NXPE2: variants seen among roughly 807,000 people sequenced by gnomAD.
The protein encoded by NXPE2 is NXPE family member 2.
Under a neutral mutation model 34.4 loss-of-function variants are expected in NXPE2, and 34 were observed. The ratio of observed to expected loss-of-function variants is 0.99; its 90% CI spans 0.75 to 1.31. NXPE2 has a LOEUF of 1.31. NXPE2 is among the 40% of genes most tolerant of loss of function. NXPE2 has a pLI of 0.00. For missense variants in NXPE2, 649 were observed against 672.5 expected, an observed-to-expected ratio of 0.97 and a Z score of 0.39; for synonymous variants, 235 against 231.3, an observed-to-expected ratio of 1.02 and a Z score of -0.15.
chr11:114,643,266 TC>T, the NXPE2 span, among the ~76,000 whole-genome samples: 1 of 152,132 alleles, frequency 6.6e-6, no homozygotes, highest in Admixed American at 6.6e-5. Context: ...TTTAATTAGA[TC>T]CCATTTGTCA....
At chr11:114,630,045 T>C in the NXPE2 span, among the ~76,000 whole-genome samples, 5 of 151,354 alleles carry the variant, frequency 3.3e-5, no homozygotes, top group Non-Finnish European at 5.9e-5. Flanking sequence ...TGGAAGAACA[T>C]TCCATGCTCA....
the NXPE2 span, among the ~76,000 whole-genome samples, chr11:114,564,136 A>G: frequency 1.3e-5 from 2 of 152,192 alleles, no homozygotes; most frequent in Non-Finnish European, 2.9e-5. Flanking sequence ...AAAAGGAAGG[A>G]AATAATGGCA....
At chr11:114,500,960 C>G in the NXPE2 span, among the ~76,000 whole-genome samples, 1 of 152,116 alleles carries the variant, frequency 6.6e-6, no homozygotes. Flanking sequence ...ACTTTCTATT[C>G]TGTTTCTATA....
At chr11:114,590,119 G>T in the NXPE2 span, among the ~76,000 whole-genome samples, 1 of 152,130 alleles carries the variant, frequency 6.6e-6, no homozygotes, top group Non-Finnish European at 1.5e-5. Context: ...CATTTGTTTG[G>T]ACAGGCATTG....
the NXPE2 span, among the ~76,000 whole-genome samples, chr11:114,603,812 C>G: frequency 6.6e-6 from 1 of 151,738 alleles, no homozygotes; most frequent in Non-Finnish European, 1.5e-5. Context: ...GCCTCGTCTC[C>G]TAGGTAACTC....
chr11:114,602,989 T>C, the NXPE2 span, among the ~76,000 whole-genome samples: 26,520 of 150,580 alleles, frequency 0.18, 2,545 homozygotes, highest in African/African-American at 0.24. Flanking sequence ...TTATCTCATA[T>C]ATAATTACAG....
the NXPE2 span, chr11:114,521,913 A>C: frequency 3.9e-6 from 5 of 1,277,420 alleles, no homozygotes; most frequent in Non-Finnish European, 5.5e-6. Context: ...TTTACAATAC[A>C]TGTGGGATTA....
chr11:114,802,550 C>CTT, the NXPE2 span, among the ~76,000 whole-genome samples: 3 of 152,178 alleles, frequency 2.0e-5, no homozygotes, highest in Non-Finnish European at 4.4e-5. Flanking sequence ...CTAGCGTGGA[C>CTT]TTTCTTATTA....
At chr11:114,552,601 A>G in the NXPE2 span, among the ~76,000 whole-genome samples, 2 of 152,210 alleles carry the variant, frequency 1.3e-5, no homozygotes, top group South Asian at 4.2e-4. Context: ...GAAATCAATC[A>G]AGGGGCTACT....
the NXPE2 span, among the ~76,000 whole-genome samples, chr11:114,487,653 T>G: frequency 2.6e-5 from 4 of 152,178 alleles, no homozygotes; most frequent in Admixed American, 6.5e-5. Context: ...GCTATGGGTC[T>G]GTGGCACATT....
chr11:114,712,064 A>G (rs1177913948), downstream of NXPE2, among the ~76,000 whole-genome samples: 1 of 152,220 alleles, frequency 6.6e-6, no homozygotes, highest in Non-Finnish European at 1.5e-5. Flanking sequence ...CAAAAGAATG[A>G]AGCTGGACTC....
chr11:114,508,566 T>C, the NXPE2 span, among the ~76,000 whole-genome samples: 3 of 152,128 alleles, frequency 2.0e-5, no homozygotes, highest in African/African-American at 7.2e-5. Context: ...TGCCACAGAA[T>C]AGAGAACTCA....
chr11:114,767,073 C>T, the NXPE2 span, among the ~76,000 whole-genome samples: 1 of 152,124 alleles, frequency 6.6e-6, no homozygotes, highest in Non-Finnish European at 1.5e-5. Flanking sequence ...CCAGGCCAAC[C>T]CATTCCCTTG....
chr11:114,629,699 G>C, the NXPE2 span, among the ~76,000 whole-genome samples: 1 of 151,866 alleles, frequency 6.6e-6, no homozygotes, highest in Non-Finnish European at 1.5e-5. Flanking sequence ...GGGAATAAAG[G>C]GTATTCAATT....
At chr11:114,743,718 T>C in the NXPE2 span, among the ~76,000 whole-genome samples, 1 of 152,014 alleles carries the variant, frequency 6.6e-6, no homozygotes, top group Admixed American at 6.6e-5. Flanking sequence ...TTATCTATTT[T>C]CCACTCCTTT....
the NXPE2 span, among the ~76,000 whole-genome samples, chr11:114,666,068 A>T: frequency 2.6e-5 from 4 of 152,038 alleles, no homozygotes; most frequent in Non-Finnish European, 4.4e-5. Flanking sequence ...ATTCAGGTTC[A>T]TTTGGCCCTA....
upstream of NXPE2, among the ~76,000 whole-genome samples, chr11:114,675,374 T>C (rs1173545636): frequency 6.6e-6 from 1 of 151,774 alleles, no homozygotes; most frequent in African/African-American, 2.4e-5. Flanking sequence ...TGGTTTCTGT[T>C]TGCCAGTGAC....
the NXPE2 span, among the ~76,000 whole-genome samples, chr11:114,719,641 C>T: frequency 2.0e-5 from 3 of 152,260 alleles, no homozygotes; most frequent in Admixed American, 2.0e-4. Flanking sequence ...AATGGACAAT[C>T]TGCAGAAGCA....
chr11:114,552,513 C>A, the NXPE2 span, among the ~76,000 whole-genome samples: 1 of 151,228 alleles, frequency 6.6e-6, no homozygotes, highest in Admixed American at 6.6e-5. Context: ...ATTTTTAGAC[C>A]AACTTCAACT....
Sources: allele counts gnomAD v4.1 joint callset (sites outside exome capture counted in the v4.1 genomes callset), GRCh38; gene constraint gnomAD v4.1.1; transcripts MANE v1.5; gene names NCBI Gene and HGNC (gene_info 2026-07-23, HGNC 2026-07-21).